Variants in GLIPR1L2 observed in about 807,000 individuals in gnomAD.
The protein encoded by GLIPR1L2 is GLIPR1-like protein 2.
A neutral mutation model predicts 28.4 loss-of-function variants in GLIPR1L2; 21 were observed. That is an observed-to-expected ratio of 0.74 (90% CI 0.52 to 1.06). The LOEUF (loss-of-function observed/expected upper bound fraction) is 1.06. GLIPR1L2 is among the 50% of genes least tolerant of loss of function. GLIPR1L2 has a pLI of 0.00. For synonymous variants in GLIPR1L2, 145 were observed against 139.3 expected, an observed-to-expected ratio of 1.04 and a Z score of -0.29; for missense variants, 476 against 416.9, an observed-to-expected ratio of 1.14 and a Z score of -1.23.
intron 1 of GLIPR1L2, chr12:75,391,663 CAG>C: frequency 1.6e-6 from 1 of 630,934 alleles, no homozygotes; most frequent in East Asian, 4.8e-5. Context: ...AATTAAAAAT[CAG>C]TGCAAAAATA....
chr12:75,395,156 A>T (rs762670952), intron 1 of GLIPR1L2, among the ~76,000 whole-genome samples: 1 of 151,924 alleles, frequency 6.6e-6, no homozygotes, highest in Non-Finnish European at 1.5e-5. Context: ...TGTGTGTGGA[A>T]TCTTTAGGGT....
chr12:75,425,382 C>A (rs1270133198), intron 4 of GLIPR1L2, among the ~76,000 whole-genome samples: 1 of 152,088 alleles, frequency 6.6e-6, no homozygotes, highest in African/African-American at 2.4e-5. Context: ...GGGGCAATCA[C>A]ACATGAGGTG....
chr12:75,392,648 A>G (rs2045639560), intron 1 of GLIPR1L2, among the ~76,000 whole-genome samples: 1 of 152,078 alleles, frequency 6.6e-6, no homozygotes, highest in Non-Finnish European at 1.5e-5. Flanking sequence ...TTTCTTCCCA[A>G]TTTGAAGATT....
At chr12:75,401,094 A>G (rs1594003362) in intron 1 of GLIPR1L2, among the ~76,000 whole-genome samples, 2 of 152,000 alleles carry the variant, frequency 1.3e-5, no homozygotes, top group African/African-American at 4.8e-5. Flanking sequence ...GAAGTGAGCA[A>G]TACAAAGAAA....
rs1043491943 is a variant in GLIPR1L2 at position 75,422,457 on chromosome 12, C to T, written c.585-447C>T. ...AGCTGGGACTACAGGCACCTGCCACCGCACCTGGCTAATTTTTTGTATTTT... is the reference window on the plus strand; with the variant it reads ...AGCTGGGACTACAGGCACCTGCCACTGCACCTGGCTAATTTTTTGTATTTT... On this transcript the variant is annotated intron_variant, in intron 3 of 5. Transcript: ENST00000550916. Among the ~76,000 whole-genome samples the T allele has an allele frequency of 6.6e-5, 10 of 152,046 alleles. No homozygotes were observed. The South Asian group carries it at 1.2e-3, about 19-fold the overall frequency.
chr12:75,396,312 C>T (rs1360883832), intron 1 of GLIPR1L2, among the ~76,000 whole-genome samples: 4 of 152,086 alleles, frequency 2.6e-5, no homozygotes, highest in Non-Finnish European at 5.9e-5. Context: ...TACAGGTACT[C>T]ACCACCACGC....
chr12:75,409,419 CATTTCTGGTT>C (rs937263925), intron 1 of GLIPR1L2, among the ~76,000 whole-genome samples: 9 of 151,794 alleles, frequency 5.9e-5, no homozygotes, highest in African/African-American at 2.2e-4. Context: ...TAAAAGCACA[CATTTCTGGTT>C]ATTTCCAGAT....
At chr12:75,402,923 C>T in intron 1 of GLIPR1L2, 2 of 448,564 alleles carry the variant, frequency 4.5e-6, no homozygotes, top group South Asian at 3.2e-5. Flanking sequence ...ATTCTCTCTC[C>T]TCTAACATGA....
rs751318067 is a variant in GLIPR1L2, at chr12:75,413,724, A to G, written c.584+23A>G. 4 of 1,109,892 alleles carry G rather than the reference A, an allele frequency of 3.6e-6. No homozygotes were observed. The East Asian group carries it at 1.1e-4, about 30-fold the overall frequency. The allele number at this position is 1,109,892 out of a possible 1,614,324, so 68.8% of individuals were successfully genotyped here. ...AGGGTAAGTTACTTAAAATTAATAA[A>G]AGAATATAAAAATCAGAATATTTCA... On this transcript the variant is annotated intron_variant, in intron 3 of 5. Coordinates refer to ENST00000550916, the MANE Select transcript of GLIPR1L2 (RefSeq NM_001270396.2).
At chr12:75,430,237 T>C (rs1207214906) in intron 4 of GLIPR1L2, among the ~76,000 whole-genome samples, 2 of 152,168 alleles carry the variant, frequency 1.3e-5, no homozygotes, top group African/African-American at 2.4e-5. Context: ...CTAAAAATAT[T>C]GAATGCCAGG....
intron 1 of GLIPR1L2, among the ~76,000 whole-genome samples, chr12:75,404,880 A>T (rs2045779412): frequency 6.6e-6 from 1 of 152,146 alleles, no homozygotes; most frequent in African/African-American, 2.4e-5. Flanking sequence ...ATGTTAGATT[A>T]AATTAATAGA....
chr12:75,419,287 T>C (rs939439259), intron 3 of GLIPR1L2, among the ~76,000 whole-genome samples: 5 of 152,088 alleles, frequency 3.3e-5, no homozygotes, highest in African/African-American at 4.8e-5. Flanking sequence ...GTTAGCACCC[T>C]GGAAGGAGGA....
chr12:75,418,108 A>G (rs921432576), intron 3 of GLIPR1L2, among the ~76,000 whole-genome samples: 9 of 152,176 alleles, frequency 5.9e-5, no homozygotes, highest in African/African-American at 1.9e-4. Flanking sequence ...TGCACATTAC[A>G]TTTTATGTAA....
chr12:75,405,110 C>T (rs1436972862), intron 1 of GLIPR1L2, among the ~76,000 whole-genome samples: 1 of 152,128 alleles, frequency 6.6e-6, no homozygotes, highest in Non-Finnish European at 1.5e-5. Context: ...TCTGTGAAAT[C>T]AACGGCACTA....
intron 1 of GLIPR1L2, among the ~76,000 whole-genome samples, chr12:75,400,188 G>T (rs561031108): frequency 5.9e-5 from 9 of 151,914 alleles, no homozygotes; most frequent in Non-Finnish European, 1.2e-4. Flanking sequence ...GCGCCATCTC[G>T]GCTCACTGCA....
At chr12:75,413,360 A>AT (rs201239837) in intron 2 of GLIPR1L2, among the ~76,000 whole-genome samples, 43 of 145,060 alleles carry the variant, frequency 3.0e-4, no homozygotes, top group Admixed American at 1.6e-3. Flanking sequence ...ATAAAATAAA[A>AT]TTAAAAAAAA....
chr12:75,424,799 C>T (rs1371794282), intron 4 of GLIPR1L2, among the ~76,000 whole-genome samples: 1 of 152,006 alleles, frequency 6.6e-6, no homozygotes, highest in Non-Finnish European at 1.5e-5. Flanking sequence ...ATGAATCCAC[C>T]CTAACATTTC....
At chr12:75,391,583 G>T (rs752316245) in intron 1 of GLIPR1L2, 3 of 1,421,904 alleles carry the variant, frequency 2.1e-6, no homozygotes, top group Non-Finnish European at 2.8e-6. Flanking sequence ...TGGAGGCACT[G>T]GCCTGAAGTG....
chr12:75,410,666 C>A lies in GLIPR1L2; in HGVS notation c.467C>A (p.Ser156Tyr). The A allele has an allele frequency of 6.2e-7, 1 of 1,602,120 alleles. No individual in the cohort carries two copies. Among genetic ancestry groups the A allele is most frequent in the African/African-American group, 1.3e-5 (1 of 74,606 alleles). ...AATGGCAGTTGCTCTGGAGACTGTT[C>A]TAATTATATTCAGGTATGTAATTTT... Reference protein sequence around the residue: ...FENGSCSGDCSNYIQLVWDHS... With the variant: ...FENGSCSGDCYNYIQLVWDHS... Residue 156 changes from serine (S) to tyrosine (Y), a missense_variant, in exon 2 of 6, where the codon TCT becomes TAT. Ser to Tyr is a moderately radical substitution (Grantham distance 144). Transcript: ENST00000550916.
Sources: gnomAD v4.1 joint callset for allele counts (sites outside exome capture counted in the v4.1 genomes callset) on GRCh38, gnomAD v4.1.1 for gene constraint, MANE v1.5 for transcripts, NCBI Gene and HGNC (gene_info 2026-07-23, HGNC 2026-07-21) for gene names.